Variants in VPS33B observed in about 807,000 individuals in gnomAD.
VPS33B encodes the protein VPS33B late endosome and lysosome associated, also known as vacuolar protein sorting-associated protein 33B.
VPS33B carries 80 observed loss-of-function variants against 95.3 expected under a neutral mutation model. That is an observed-to-expected ratio of 0.84 (90% CI 0.70 to 1.01). The LOEUF (loss-of-function observed/expected upper bound fraction) is 1.01. Ranked by LOEUF, VPS33B falls within the 50% of genes least tolerant of loss-of-function variation. The probability of loss-of-function intolerance (pLI) is 0.00; values close to 1 mark genes in which losing one functional copy is unlikely to be tolerated. For missense variants in VPS33B, 715 were observed against 773.4 expected, an observed-to-expected ratio of 0.92 and a Z score of 0.90; for synonymous variants, 280 against 280.4, an observed-to-expected ratio of 1.00 and a Z score of 0.01.
intron 16 of VPS33B, 125 bp downstream of exon 16, chr15:91,004,752 C>T (rs370087155): frequency 8.5e-7 from 1 of 1,169,720 alleles, no homozygotes; most frequent in African/African-American, 1.5e-5. Flanking sequence ...AAAAAGAATC[C>T]ATTAAATTAC....
rs2040742257 is a variant in VPS33B, at chr15:91,010,164, G to A, written c.358-318C>T. ...CAGACAGAGATGAGAGCAATGGCAT[G>A]AAGTGCTCTGGAAATTGTGGAGGAG... is the stretch of plus-strand genomic sequence containing the variant. On this transcript the variant is annotated intron_variant, in intron 5 of 22. Transcript: ENST00000333371. The surrounding 1 kb of genome is among the most constrained non-coding windows in gnomAD (Gnocchi z 5.7). Among the ~76,000 whole-genome samples the A allele has an allele frequency of 6.6e-6, 1 of 152,368 alleles. No individual in the cohort carries two copies. The highest frequency in any genetic ancestry group is 2.1e-4 in the South Asian group (1 of 4,832).
chr15:91,007,142 T>A lies in VPS33B; in HGVS notation c.604-96A>T. 1 of 1,335,350 alleles carries A rather than the reference T, an allele frequency of 7.5e-7. No homozygotes were observed. The highest frequency in any genetic ancestry group is 2.3e-5 in the East Asian group (1 of 43,642). 82.7% of individuals were successfully genotyped at this position (1,335,350 alleles called of 1,614,324 possible). ...GCCCTTTCCACGTGATACTTCCTCT[T>A]GTCCCCGAGACAGGAGCTAATTATT... On this transcript the variant is annotated intron_variant, in intron 8 of 22. Coordinates refer to ENST00000333371, the MANE Select transcript of VPS33B (RefSeq NM_018668.5). This position sits in a 1 kb window ranked among gnomAD's most constrained non-coding sequence, Gnocchi z 5.3.
chr15:91,004,138 G>A (rs2151667710), intron 16 of VPS33B, among the ~76,000 whole-genome samples: 1 of 151,668 alleles, frequency 6.6e-6, no homozygotes, highest in Admixed American at 6.6e-5. Flanking sequence ...GTGAGAAATC[G>A]CTTCAACCTG....
Position 90,999,833 on chromosome 15 carries a change from C to G in VPS33B, c.1658-40G>C. 1 of 1,614,052 alleles carries G rather than the reference C, an allele frequency of 6.2e-7. No individual in the cohort carries two copies. The highest frequency in any genetic ancestry group is 8.5e-7 in the Non-Finnish European group (1 of 1,179,928). On this transcript the variant is annotated intron_variant, in intron 21 of 22. Transcript: ENST00000333371. The surrounding 1 kb of genome is among the most constrained non-coding windows in gnomAD (Gnocchi z 5.1). ...CCAGATTCAGCCCTTCCCTGACATG[C>G]TAGTCCTGAGTGGTGCATCCAGCCC...
At chr15:91,004,753 A>C in intron 16 of VPS33B, 124 bp downstream of exon 16, 1 of 1,197,818 alleles carries the variant, frequency 8.3e-7, no homozygotes, top group Non-Finnish European at 1.2e-6. Flanking sequence ...AAAAGAATCC[A>C]TTAAATTACA....
chr15:90,999,015 CTGTT>C lies in VPS33B; in HGVS notation c.1810_1813del (p.Asn604AlafsTer8). ...ACTCATGGCCTCCATAAGGCGAGCG[CTGTT>C]TGTGACTGCTGTCGTCAGGAAAATG... On this transcript the variant is annotated frameshift_variant, in exon 23 of 23. Coordinates refer to ENST00000333371, the MANE Select transcript of VPS33B (RefSeq NM_018668.5). LOFTEE classifies it high-confidence loss of function. The surrounding 1 kb of genome is among the most constrained non-coding windows in gnomAD (Gnocchi z 5.1). The C allele has an allele frequency of 6.2e-7, 1 of 1,614,184 alleles. No individual in the cohort carries two copies. The highest frequency in any genetic ancestry group is 8.5e-7 in the Non-Finnish European group (1 of 1,180,028).
chr15:91,009,677 C>T lies in VPS33B; in HGVS notation c.403+124G>A. 9.9e-7 allele frequency: 1 copy of T among 1,012,282 alleles called. No individual in the cohort carries two copies. Among genetic ancestry groups the T allele is most frequent in the East Asian group, 2.7e-5 (1 of 36,814 alleles). 62.7% of individuals were successfully genotyped at this position (1,012,282 alleles called of 1,614,324 possible). ...GGAACCTCTCCTCCTGCTACACTAA[C>T]AGGAATAAGACCAGGAAAAGAAGGA... On this transcript the variant is annotated intron_variant, in intron 6 of 22. Coordinates refer to ENST00000333371, the MANE Select transcript of VPS33B (RefSeq NM_018668.5). This position sits in a 1 kb window ranked among gnomAD's most constrained non-coding sequence, Gnocchi z 4.1.
chr15:91,002,460 A>G lies in VPS33B; in HGVS notation c.1273-278T>C, dbSNP rs62026699. On this transcript the variant is annotated intron_variant, in intron 17 of 22. Transcript: ENST00000333371. This position sits in a 1 kb window ranked among gnomAD's most constrained non-coding sequence, Gnocchi z 4.7. ...AGCCTGGCCAACATGGTGAAACCCC[A>G]TCTCTACTAAAAATACAAAAATTAG... Among the ~76,000 whole-genome samples, 1 of 151,894 alleles carries G rather than the reference A, an allele frequency of 6.6e-6. No homozygotes were observed. Among genetic ancestry groups the G allele is most frequent in the Non-Finnish European group, 1.5e-5 (1 of 67,924 alleles).
intron 5 of VPS33B, among the ~76,000 whole-genome samples, chr15:91,012,115 T>C (rs998011498): frequency 8.5e-5 from 13 of 152,150 alleles, no homozygotes; most frequent in African/African-American, 2.4e-5. Flanking sequence ...TAGAAATTAT[T>C]GCCATGACTC....
intron 3 of VPS33B, among the ~76,000 whole-genome samples, chr15:91,016,650 C>T (rs1441889334): frequency 6.6e-6 from 1 of 152,124 alleles, no homozygotes; most frequent in Non-Finnish European, 1.5e-5. Context: ...TCCCAAAGTG[C>T]TGGGATTACA....
rs536461328 is a variant in VPS33B, at chr15:91,022,025, C to T, written c.96+129G>A. 5 of 1,063,710 alleles carry T rather than the reference C, an allele frequency of 4.7e-6. No individual in the cohort carries two copies. The South Asian group carries it at 7.0e-5, about 15-fold the overall frequency. 65.9% of individuals were successfully genotyped at this position (1,063,710 alleles called of 1,614,324 possible). Reference sequence around the variant, plus strand: ...TACTACTCCCTGGATTCATTCTGGACCTGCTGGGGAAGCGCCAAGGACAAT... The same window carrying T: ...TACTACTCCCTGGATTCATTCTGGATCTGCTGGGGAAGCGCCAAGGACAAT... On this transcript the variant is annotated intron_variant, in intron 1 of 22. Coordinates refer to ENST00000333371, the MANE Select transcript of VPS33B (RefSeq NM_018668.5).
Position 91,002,616 on chromosome 15 carries a change from C to T in VPS33B, c.1273-434G>A, listed in dbSNP as rs188763701. 1.4e-5 allele frequency among the ~76,000 whole-genome samples: 2 copies of T among 140,692 alleles called. No individual in the cohort carries two copies. The highest frequency in any genetic ancestry group is 2.1e-4 in the East Asian group (1 of 4,844). 92.3% of individuals were successfully genotyped at this position (140,692 alleles called of 152,430 possible). A position where few individuals can be genotyped will look rare whatever the true frequency, so the allele number is the denominator to read the frequency against. On this transcript the variant is annotated intron_variant, in intron 17 of 22. Coordinates refer to ENST00000333371, the MANE Select transcript of VPS33B (RefSeq NM_018668.5). The surrounding 1 kb of genome is among the most constrained non-coding windows in gnomAD (Gnocchi z 4.7). Reference sequence around the variant, plus strand: ...CTGCACTCTAGCTTGGGCAACAGAGCGAGACATCGTCTCGAAATAAAAAAA... The same window carrying T: ...CTGCACTCTAGCTTGGGCAACAGAGTGAGACATCGTCTCGAAATAAAAAAA...
At position 91,015,318 on chromosome 15, in the gene VPS33B, A is replaced by G. The variant is rs960039573; in HGVS notation, c.240-885T>C. Among the ~76,000 whole-genome samples, 6 of 152,110 alleles carry G rather than the reference A, an allele frequency of 3.9e-5. No individual in the cohort carries two copies. The highest frequency in any genetic ancestry group is 1.4e-4 in the African/African-American group (6 of 41,424). On this transcript the variant is annotated intron_variant, in intron 3 of 22. Coordinates refer to ENST00000333371, the MANE Select transcript of VPS33B (RefSeq NM_018668.5). This position sits in a 1 kb window ranked among gnomAD's most constrained non-coding sequence, Gnocchi z 4.7. ...GCCATTGCTCTCCAGCCTGGATGAC[A>G]AGAGCTAAACTCCGTCTCAAAAAAA...
chr15:91,014,536 C>A, intron 3 of VPS33B, 103 bp from the exon 4 acceptor site: 1 of 1,304,128 alleles, frequency 7.7e-7, no homozygotes, highest in Non-Finnish European at 1.1e-6. Flanking sequence ...ATTTGCCCTA[C>A]AGGTCTCATC....
chr15:91,012,083 A>AG (rs1555459751), intron 5 of VPS33B, among the ~76,000 whole-genome samples: 1 of 145,036 alleles, frequency 6.9e-6, no homozygotes, highest in Non-Finnish European at 1.5e-5. Context: ...AAAAAAAAAA[A>AG]GGTTTGTAAG....
rs1466524763 is a variant in VPS33B at position 91,013,021 on chromosome 15, G to A, written c.357+783C>T. On this transcript the variant is annotated intron_variant, in intron 5 of 22. Transcript: ENST00000333371. The surrounding 1 kb of genome is among the most constrained non-coding windows in gnomAD (Gnocchi z 4.5). ...GGGCAGCCCAGCCACATCCTTATAA[G>A]CATAGCGGATGGGAAGAGGGAGGGT... 1.3e-5 allele frequency among the ~76,000 whole-genome samples: 2 copies of A among 152,180 alleles called. No individual in the cohort carries two copies. Among genetic ancestry groups the A allele is most frequent in the African/African-American group, 4.8e-5 (2 of 41,434 alleles).
Position 91,013,450 on chromosome 15 carries a change from T to C in VPS33B, c.357+354A>G, listed in dbSNP as rs79116411. On this transcript the variant is annotated intron_variant, in intron 5 of 22. Coordinates refer to ENST00000333371, the MANE Select transcript of VPS33B (RefSeq NM_018668.5). This position sits in a 1 kb window ranked among gnomAD's most constrained non-coding sequence, Gnocchi z 4.5. ...GCAGCCTAATAACAGGTGATTGGGT[T>C]ATGAGGGAGGAGTCCTCATGAATGG... Among the ~76,000 whole-genome samples, 1,549 of 152,302 alleles carry C rather than the reference T, an allele frequency of 0.01. 27 individuals carry two copies. Among genetic ancestry groups the C allele is most frequent in the African/African-American group, 0.034 (1,417 of 41,554 alleles).
rs2040365819 is a variant in VPS33B at position 90,999,340 on chromosome 15, T to C, written c.1775-286A>G. 1 of 530,148 alleles carries C rather than the reference T, an allele frequency of 1.9e-6. No homozygotes were observed. The highest frequency in any genetic ancestry group is 3.4e-6 in the Non-Finnish European group (1 of 294,834). 32.8% of individuals were successfully genotyped at this position (530,148 alleles called of 1,614,324 possible). ...CGTGTTTTTTTTTTTTCTCTTGAGATGGAGTTTTGCTATTGTTGCCCAGGC... is the reference window on the plus strand; with the variant it reads ...CGTGTTTTTTTTTTTTCTCTTGAGACGGAGTTTTGCTATTGTTGCCCAGGC... On this transcript the variant is annotated intron_variant, in intron 22 of 22. Transcript: ENST00000333371. The surrounding 1 kb of genome is among the most constrained non-coding windows in gnomAD (Gnocchi z 5.1).
chr15:91,017,835 C>T lies in VPS33B; in HGVS notation c.147G>A (p.Leu49=), dbSNP rs143087354. The change falls in exon 2 of 23, where the codon TTG becomes TTA. Residue 49 remains leucine (L), a synonymous_variant. Coordinates refer to ENST00000333371, the MANE Select transcript of VPS33B (RefSeq NM_018668.5). ...GGATGGAGACATTGGCAATTCGATC[C>T]AAAGGGCTCATGAGATCTGCCTCAA... ...LFIEADLMSP[L]DRIANVSILK... is the part of the protein sequence containing the mutation. The T allele has an allele frequency of 1.2e-5, 19 of 1,613,968 alleles. No individual in the cohort carries two copies. The highest frequency in any genetic ancestry group is 1.4e-5 in the Non-Finnish European group (17 of 1,179,982).
Sources: gnomAD v4.1 joint callset for allele counts (sites outside exome capture counted in the v4.1 genomes callset) on GRCh38, gnomAD v4.1.1 for gene constraint, Gnocchi (gnomAD v3.1) non-coding constraint, MANE v1.5 for transcripts, NCBI Gene and HGNC (gene_info 2026-07-23, HGNC 2026-07-21) for gene names.